ICA1: variants seen among roughly 807,000 people sequenced by gnomAD.
ICA1 encodes the protein islet cell autoantigen 1.
In ICA1, 40 loss-of-function variants were observed where a neutral mutation model predicts 71.0. The observed-to-expected ratio is 0.56, with a 90% CI of 0.44 to 0.73. ICA1 has a LOEUF of 0.73. Among genes scored for constraint, ICA1 ranks in the 30% least tolerant of loss-of-function variants. The probability of loss-of-function intolerance (pLI) is 0.00; values close to 1 mark genes in which losing one functional copy is unlikely to be tolerated. For missense variants in ICA1, 578 were observed against 576.5 expected (o/e 1.00, Z -0.03); for synonymous variants, 207 against 209.5 (o/e 0.99, Z 0.10).
intron 6 of ICA1, among the ~76,000 whole-genome samples, chr7:8,209,075 C>T (rs1325166761): frequency 6.6e-6 from 1 of 152,144 alleles, no homozygotes; most frequent in Non-Finnish European, 1.5e-5. Flanking sequence ...GGAAGAAAAG[C>T]CAGACAATCT....
At chr7:8,232,347 A>C (rs895421573) in intron 3 of ICA1, among the ~76,000 whole-genome samples, 1 of 152,238 alleles carries the variant, frequency 6.6e-6, no homozygotes, top group African/African-American at 2.4e-5. Flanking sequence ...AGAAACGCTT[A>C]CTGAGAATTT....
At chr7:8,140,704 A>G (rs1195326396) in intron 10 of ICA1, among the ~76,000 whole-genome samples, 1 of 152,240 alleles carries the variant, frequency 6.6e-6, no homozygotes, top group Non-Finnish European at 1.5e-5. Flanking sequence ...CAAGTGCATG[A>G]GTACTTGTAC....
At chr7:8,257,625 A>T (rs1037748627) in intron 1 of ICA1, among the ~76,000 whole-genome samples, 2 of 152,160 alleles carry the variant, frequency 1.3e-5, no homozygotes, top group Non-Finnish European at 2.9e-5. Context: ...TATTGCATTC[A>T]GTCACCCTCT....
chr7:8,152,575 C>CCACCACCA lies in ICA1; in HGVS notation c.804+4540_804+4541insTGGTGGTG, dbSNP rs1562698788. ...ACCTCCACCACCACCACCACCACCA[C>CCACCACCA]CATCTCCTTCACCACCACTACCCCC... On this transcript the variant is annotated intron_variant, in intron 8 of 13. Coordinates refer to ENST00000402384, the MANE Select transcript of ICA1 (RefSeq NM_001136020.3). Among the ~76,000 whole-genome samples, 29 of 120,244 alleles carry CCACCACCA rather than the reference C, an allele frequency of 2.4e-4. No individual in the cohort carries two copies. In the Admixed American group the frequency reaches 2.6e-3, roughly 11 times the overall value. The allele number at this position is 120,244 out of a possible 152,430, so 78.9% of individuals were successfully genotyped here. A position where few individuals can be genotyped will look rare whatever the true frequency, so the allele number is the denominator to read the frequency against.
At chr7:8,214,706 C>T (rs1462833551) in intron 6 of ICA1, among the ~76,000 whole-genome samples, 1 of 152,144 alleles carries the variant, frequency 6.6e-6, no homozygotes, top group East Asian at 1.9e-4. Context: ...GTCGTCAGGC[C>T]TCTGTGCTTC....
At chr7:8,181,320 T>A (rs1217954401) in intron 6 of ICA1, among the ~76,000 whole-genome samples, 1 of 152,188 alleles carries the variant, frequency 6.6e-6, no homozygotes, top group Non-Finnish European at 1.5e-5. Flanking sequence ...AACTATGTAG[T>A]CTGTTCCATC....
rs1401283033 is a variant in ICA1 at position 8,226,391 on chromosome 7, T to A, written c.256+2210A>T. The stretch of plus-strand genomic sequence containing the variant: ...TAAAATGTGATGCAATGTAAAAAAA[T>A]GGTAATACACACACTCTCCATATAT... On this transcript the variant is annotated intron_variant, in intron 4 of 13. Coordinates refer to ENST00000402384, the MANE Select transcript of ICA1 (RefSeq NM_001136020.3). The surrounding 1 kb of genome is among the most constrained non-coding windows in gnomAD (Gnocchi z 4.4). 6.6e-6 allele frequency among the ~76,000 whole-genome samples: 1 copy of A among 152,188 alleles called. No homozygotes were observed. The highest frequency in any genetic ancestry group is 1.5e-5 in the Non-Finnish European group (1 of 68,038).
At position 8,226,356 on chromosome 7, in the gene ICA1, A is replaced by C. The variant is rs1798603205; in HGVS notation, c.256+2245T>G. On this transcript the variant is annotated intron_variant, in intron 4 of 13. Coordinates refer to ENST00000402384, the MANE Select transcript of ICA1 (RefSeq NM_001136020.3). The surrounding 1 kb of genome is among the most constrained non-coding windows in gnomAD (Gnocchi z 4.4). ...GCTTGCTCTCTAGATATAGATATAG[A>C]TATAGATGGTAAAATGTGATGCAAT... Among the ~76,000 whole-genome samples the C allele has an allele frequency of 6.6e-6, 1 of 152,174 alleles. No individual in the cohort carries two copies. The highest frequency in any genetic ancestry group is 2.4e-5 in the African/African-American group (1 of 41,436).
chr7:8,117,033 C>A (rs975845690), intron 13 of ICA1, among the ~76,000 whole-genome samples: 3 of 152,144 alleles, frequency 2.0e-5, no homozygotes, highest in Non-Finnish European at 4.4e-5. Context: ...TGGTTTCCCC[C>A]ATGCTGTTCT....
At chr7:8,232,955 G>A (rs60605920) in intron 2 of ICA1, among the ~76,000 whole-genome samples, 200 bp from the exon 3 acceptor site, 2,678 of 152,310 alleles carry the variant, frequency 0.018, 89 homozygotes, top group African/African-American at 0.062. Context: ...TTAAAAGTCA[G>A]AGTGGAGAAA....
At chr7:8,198,221 G>A (rs1299283816) in intron 6 of ICA1, among the ~76,000 whole-genome samples, 2 of 152,182 alleles carry the variant, frequency 1.3e-5, no homozygotes, top group Non-Finnish European at 2.9e-5. Flanking sequence ...CTTCTCTTGT[G>A]GACTTCTATT....
intron 8 of ICA1, among the ~76,000 whole-genome samples, chr7:8,146,839 T>C (rs1797121837): frequency 7.2e-6 from 1 of 139,636 alleles, no homozygotes; most frequent in Non-Finnish European, 1.5e-5. Context: ...ATCTGCCAAT[T>C]ACAGCATTTT....
intron 6 of ICA1, among the ~76,000 whole-genome samples, chr7:8,192,201 T>G (rs1393956927): frequency 6.6e-6 from 1 of 152,226 alleles, no homozygotes; most frequent in East Asian, 1.9e-4. Flanking sequence ...ATTGTCCCAA[T>G]AATATCTTCT....
At chr7:8,210,179 T>C (rs1213724864) in intron 6 of ICA1, among the ~76,000 whole-genome samples, 2 of 152,192 alleles carry the variant, frequency 1.3e-5, no homozygotes, top group Non-Finnish European at 2.9e-5. Flanking sequence ...CTAGCTCAGA[T>C]AAGAGCACTG....
In ICA1 at chr7:8,218,255, A is replaced by ATTCT. The variant is rs1795979653; in HGVS notation, c.579+49_579+50insAGAA. 4 of 1,513,580 alleles carry ATTCT rather than the reference A, an allele frequency of 2.6e-6. No individual in the cohort carries two copies. The South Asian group carries it at 4.5e-5, about 17-fold the overall frequency. 93.8% of individuals were successfully genotyped at this position (1,513,580 alleles called of 1,614,324 possible). A position where few individuals can be genotyped will look rare whatever the true frequency, so the allele number is the denominator to read the frequency against. ...ACCAGAGGGATTCAAATCACACCTC[A>ATTCT]TTACCTTCCAGCAGGTACCCCTTCT... On this transcript the variant is annotated intron_variant, in intron 6 of 13. Transcript: ENST00000402384.
At chr7:8,135,562 T>C (rs756298099) in intron 12 of ICA1, among the ~76,000 whole-genome samples, 1 of 152,218 alleles carries the variant, frequency 6.6e-6, no homozygotes, top group Non-Finnish European at 1.5e-5. Context: ...CAGTAATATA[T>C]GGACAACTGC....
At chr7:8,148,401 C>CT (rs904304725) in intron 8 of ICA1, among the ~76,000 whole-genome samples, 6 of 150,980 alleles carry the variant, frequency 4.0e-5, no homozygotes, top group Non-Finnish European at 7.4e-5. Flanking sequence ...ATTACCTTAC[C>CT]TTTTTTTTTA....
Position 8,221,548 on chromosome 7 carries a change from C to A in ICA1, c.257-150G>T, listed in dbSNP as rs530898071. ...GCGGCAGGCTACAGGGTAAGCTCCC[C>A]CTACCCCCCATTTAACTTTCAGGCT... On this transcript the variant is annotated intron_variant, in intron 4 of 13. Transcript: ENST00000402384. The A allele has an allele frequency of 3.8e-6, 3 of 787,806 alleles. No homozygotes were observed. The South Asian group carries it at 5.3e-5, about 14-fold the overall frequency. 48.8% of individuals were successfully genotyped at this position (787,806 alleles called of 1,614,324 possible).
chr7:8,158,451 T>G lies in ICA1; in HGVS notation c.705+76A>C. 3 of 1,568,586 alleles carry G rather than the reference T, an allele frequency of 1.9e-6. No individual in the cohort carries two copies. In the African/African-American group the frequency reaches 4.1e-5, roughly 21 times the overall value. The stretch of plus-strand genomic sequence containing the variant: ...CTTCACAATGGCCAAAGCTTACTTT[T>G]AGCTCAAACACCATTTTGATGTTAT... On this transcript the variant is annotated intron_variant, in intron 7 of 13. Transcript: ENST00000402384.
Sources: allele counts gnomAD v4.1 joint callset (sites outside exome capture counted in the v4.1 genomes callset), GRCh38; gene constraint gnomAD v4.1.1; non-coding constraint Gnocchi (gnomAD v3.1); transcripts MANE v1.5; gene names NCBI Gene and HGNC (gene_info 2026-07-23, HGNC 2026-07-21).